Variants in DPP10 observed in about 807,000 individuals in gnomAD.
DPP10 encodes the protein inactive dipeptidyl peptidase 10.
A neutral mutation model predicts 120.9 loss-of-function variants in DPP10; 33 were observed. The ratio of observed to expected loss-of-function variants is 0.27; its 90% CI spans 0.21 to 0.37. The LOEUF is 0.37. Among genes scored for constraint, DPP10 ranks in the 10% least tolerant of loss-of-function variants. The pLI, the probability that DPP10 is intolerant of heterozygous loss-of-function variation, is 1.00. For missense variants in DPP10, 816 were observed against 942.8 expected, an observed-to-expected ratio of 0.87 and a Z score of 1.76; for synonymous variants, 337 against 326.1, an observed-to-expected ratio of 1.03 and a Z score of -0.36.
Position 114,711,093 on chromosome 2 carries a change from T to C in DPP10, c.60+268255T>C, listed in dbSNP as rs111640527. Among the ~76,000 whole-genome samples, 216 of 152,058 alleles carry C rather than the reference T, an allele frequency of 1.4e-3. 3 individuals are homozygous for C. The highest frequency in any genetic ancestry group is 4.9e-3 in the African/African-American group (205 of 41,524). On this transcript the variant is annotated intron_variant, in intron 1 of 25. Coordinates refer to ENST00000410059, the MANE Select transcript of DPP10 (RefSeq NM_020868.6). ...GAAAGCAGGGCAAGAAAAAAAAAGATTAAGGTCAGGAAAAAGGCAGTTTTT... is the reference window on the plus strand; with the variant it reads ...GAAAGCAGGGCAAGAAAAAAAAAGACTAAGGTCAGGAAAAAGGCAGTTTTT...
At chr2:115,729,738 T>C (rs1213551757) in intron 8 of DPP10, among the ~76,000 whole-genome samples, 1 of 152,082 alleles carries the variant, frequency 6.6e-6, no homozygotes, top group African/African-American at 2.4e-5. Context: ...TCCAGGCCCC[T>C]GAACTCCAGC....
rs1005594149 is a variant in DPP10 at position 115,524,978 on chromosome 2, C to A, written c.367-920C>A. Among the ~76,000 whole-genome samples the A allele has an allele frequency of 2.9e-4, 44 of 152,108 alleles. 2 individuals carry two copies. In the East Asian group the frequency reaches 4.1e-3, roughly 14 times the overall value. ...GGGGTCCCTATGTAAAACAAACAAA[C>A]AAACAAACAAAAACAAAACAAAGAA... On this transcript the variant is annotated intron_variant, in intron 4 of 25. Transcript: ENST00000410059.
At chr2:114,707,277 G>A (rs1300557558) in intron 1 of DPP10, 1 of 152,160 alleles carries the variant, frequency 6.6e-6, no homozygotes, top group Admixed American at 6.5e-5. Flanking sequence ...AGGAAGAGCT[G>A]ACACTTCTAC....
intron 1 of DPP10, among the ~76,000 whole-genome samples, chr2:115,021,744 C>T (rs1351682979): frequency 1.3e-5 from 2 of 151,830 alleles, no homozygotes; most frequent in Non-Finnish European, 2.9e-5. Flanking sequence ...CTGATCAATG[C>T]AAAATCAATG....
chr2:114,533,721 G>T (rs1386909069), intron 1 of DPP10, among the ~76,000 whole-genome samples: 4 of 152,062 alleles, frequency 2.6e-5, no homozygotes, highest in African/African-American at 9.7e-5. Context: ...TTGCTAGTTT[G>T]CCCGGGTTTA....
At chr2:115,646,894 T>A (rs2087313352) in intron 5 of DPP10, among the ~76,000 whole-genome samples, 1 of 152,152 alleles carries the variant, frequency 6.6e-6, no homozygotes. Context: ...TGCCCCTGTG[T>A]GCACACTGCT....
At chr2:114,992,029 A>T (rs1196972950) in intron 1 of DPP10, among the ~76,000 whole-genome samples, 1 of 152,234 alleles carries the variant, frequency 6.6e-6, no homozygotes, top group South Asian at 2.1e-4. Flanking sequence ...AAACTAACTC[A>T]TGCCTCATAG....
At chr2:115,267,440 C>A (rs1443907478) in intron 1 of DPP10, among the ~76,000 whole-genome samples, 1 of 152,058 alleles carries the variant, frequency 6.6e-6, no homozygotes. Flanking sequence ...GGAAGGAAAT[C>A]TGCCATATAT....
chr2:114,831,873 A>T (rs200472566), intron 1 of DPP10, among the ~76,000 whole-genome samples: 1 of 129,140 alleles, frequency 7.7e-6, no homozygotes, highest in Non-Finnish European at 1.8e-5. Context: ...TATATATATA[A>T]TATATATGTA....
chr2:114,944,573 G>A (rs765084147), intron 1 of DPP10, among the ~76,000 whole-genome samples: 1 of 151,968 alleles, frequency 6.6e-6, no homozygotes, highest in East Asian at 1.9e-4. Context: ...CTTTTAATCA[G>A]GCATCATTTG....
chr2:114,525,502 A>T (rs1465874070), intron 1 of DPP10, among the ~76,000 whole-genome samples: 1 of 152,182 alleles, frequency 6.6e-6, no homozygotes, highest in Non-Finnish European at 1.5e-5. Flanking sequence ...ATGTATTATG[A>T]TCATGCAATT....
chr2:115,798,193 T>G (rs535619779), intron 19 of DPP10, among the ~76,000 whole-genome samples: 9 of 152,134 alleles, frequency 5.9e-5, no homozygotes, highest in Admixed American at 3.3e-4. Context: ...CTTCGTAATT[T>G]ACAAAGTTCT....
chr2:115,350,170 A>G (rs2063934965), intron 3 of DPP10, among the ~76,000 whole-genome samples: 1 of 152,060 alleles, frequency 6.6e-6, no homozygotes, highest in Non-Finnish European at 1.5e-5. Flanking sequence ...CAGCTGTAAA[A>G]ATTAATATTT....
rs1477090230 is a variant in DPP10 at position 115,556,011 on chromosome 2, C to T, written c.441+30039C>T. On this transcript the variant is annotated intron_variant, in intron 5 of 25. Transcript: ENST00000410059. The stretch of plus-strand genomic sequence containing the variant: ...AAGTCATTGTGATTAGCATGGACTA[C>T]CTTTGAAATAGCCATTTGAGGGTCC... Among the ~76,000 whole-genome samples the T allele has an allele frequency of 4.6e-5, 7 of 151,966 alleles. No individual in the cohort carries two copies. The East Asian group carries it at 1.4e-3, about 29-fold the overall frequency.
chr2:115,814,743 A>T (rs1687030804), intron 19 of DPP10, 50 bp from the exon 20 acceptor site: 1 of 1,406,030 alleles, frequency 7.1e-7, no homozygotes, highest in African/African-American at 1.4e-5. Flanking sequence ...TAAAATTTCT[A>T]CCAGATTTTC....
At chr2:115,424,693 A>T (rs766871980) in intron 3 of DPP10, among the ~76,000 whole-genome samples, 2 of 152,126 alleles carry the variant, frequency 1.3e-5, no homozygotes, top group Non-Finnish European at 2.9e-5. Context: ...CTTAAAATGC[A>T]TATGCACACT....
chr2:115,450,875 T>A (rs1448975788), intron 3 of DPP10, among the ~76,000 whole-genome samples: 1 of 151,958 alleles, frequency 6.6e-6, no homozygotes, highest in African/African-American at 2.4e-5. Context: ...TTTGTTATGA[T>A]TCTCAAAATA....
intron 1 of DPP10, among the ~76,000 whole-genome samples, chr2:115,293,331 T>C (rs2060741050): frequency 1.3e-5 from 2 of 152,210 alleles, no homozygotes; most frequent in Admixed American, 1.3e-4. Context: ...GAACCGAATG[T>C]TTCCTTATCC....
chr2:115,640,193 TCTC>T (rs2149345905), intron 5 of DPP10, among the ~76,000 whole-genome samples: 1 of 152,166 alleles, frequency 6.6e-6, no homozygotes, highest in South Asian at 2.1e-4. Flanking sequence ...GTAATACTGG[TCTC>T]CTATTAAACT....
Sources: gnomAD v4.1 joint callset for allele counts (sites outside exome capture counted in the v4.1 genomes callset) on GRCh38, gnomAD v4.1.1 for gene constraint, MANE v1.5 for transcripts, NCBI Gene and HGNC (gene_info 2026-07-23, HGNC 2026-07-21) for gene names.